The following CACNB4 variants were observed in gnomAD, a reference collection of about 807,000 sequenced individuals.
CACNB4 encodes the protein calcium voltage-gated channel auxiliary subunit beta 4.
Under a neutral mutation model 71.2 loss-of-function variants are expected in CACNB4, and 32 were observed. That is an observed-to-expected ratio of 0.45 (90% CI 0.34 to 0.60). The LOEUF (loss-of-function observed/expected upper bound fraction) is 0.60. Among genes scored for constraint, CACNB4 ranks in the 20% least tolerant of loss-of-function variants. CACNB4 has a pLI of 0.01. For missense variants in CACNB4, 464 were observed against 647.9 expected (o/e 0.72, Z 3.08); for synonymous variants, 231 against 236.9 (o/e 0.97, Z 0.23).
At chr2:152,063,149 T>G (rs1171276398) in intron 2 of CACNB4, among the ~76,000 whole-genome samples, 1 of 152,188 alleles carries the variant, frequency 6.6e-6, no homozygotes, top group Non-Finnish European at 1.5e-5. Flanking sequence ...TGGTAATCAG[T>G]TAACTGTTCA....
At chr2:151,895,052 G>T (rs2099851650) in intron 2 of CACNB4, among the ~76,000 whole-genome samples, 2 of 144,802 alleles carry the variant, frequency 1.4e-5, no homozygotes, top group African/African-American at 5.2e-5. Context: ...CAAAGAAATA[G>T]AAAAAAAATC....
intron 2 of CACNB4, among the ~76,000 whole-genome samples, chr2:152,074,655 A>C (rs1579249668): frequency 1.8e-5 from 1 of 57,126 alleles, no homozygotes; most frequent in African/African-American, 7.9e-5. Flanking sequence ...CATCACCATC[A>C]CCCCCTCACC....
At chr2:151,916,917 C>T (rs990858495) in intron 2 of CACNB4, among the ~76,000 whole-genome samples, 9 of 152,190 alleles carry the variant, frequency 5.9e-5, no homozygotes, top group African/African-American at 2.2e-4. Context: ...GGACAGGTCT[C>T]CCCAACCAAT....
At chr2:151,945,685 G>A (rs1215284515) in intron 2 of CACNB4, among the ~76,000 whole-genome samples, 2 of 151,968 alleles carry the variant, frequency 1.3e-5, no homozygotes, top group South Asian at 2.1e-4. Flanking sequence ...TTAAAATGGC[G>A]ATAATGTTAG....
chr2:151,919,372 G>A (rs2099858340), intron 2 of CACNB4, among the ~76,000 whole-genome samples: 1 of 152,212 alleles, frequency 6.6e-6, no homozygotes. Flanking sequence ...GTTGGGATTA[G>A]AGATGTTAGC....
At chr2:151,937,486 C>T (rs886612232) in intron 2 of CACNB4, among the ~76,000 whole-genome samples, 1 of 152,080 alleles carries the variant, frequency 6.6e-6, no homozygotes, top group Non-Finnish European at 1.5e-5. Context: ...AGAAGGAAGC[C>T]CTTCTCAGTT....
At chr2:151,840,294 A>C (rs1197613101) in intron 13 of CACNB4, among the ~76,000 whole-genome samples, 2 of 152,206 alleles carry the variant, frequency 1.3e-5, no homozygotes, top group Non-Finnish European at 2.9e-5. Context: ...GGTGCCTCAC[A>C]ATGAAGTGTC....
intron 2 of CACNB4, among the ~76,000 whole-genome samples, chr2:151,890,194 A>C (rs2099850388): frequency 6.6e-6 from 1 of 152,208 alleles, no homozygotes; most frequent in Non-Finnish European, 1.5e-5. Flanking sequence ...GTTTTCAAAA[A>C]TGTTGGCTGA....
At chr2:152,092,974 G>A (rs1452848359) in intron 2 of CACNB4, among the ~76,000 whole-genome samples, 1 of 152,108 alleles carries the variant, frequency 6.6e-6, no homozygotes, top group Non-Finnish European at 1.5e-5. Flanking sequence ...AAAGTTATAT[G>A]AAATGTAGTC....
intron 2 of CACNB4, chr2:151,884,305 A>C (rs183462858): frequency 6.7e-6 from 1 of 149,810 alleles, no homozygotes; most frequent in Admixed American, 6.7e-5. Flanking sequence ...ATCTCAAAAA[A>C]AAAATAAAAT....
chr2:151,921,643 C>T (rs937804446), intron 2 of CACNB4, among the ~76,000 whole-genome samples: 2 of 152,170 alleles, frequency 1.3e-5, no homozygotes, highest in African/African-American at 4.8e-5. Context: ...CCCCTTCCTC[C>T]ATATTTGATA....
At chr2:152,093,400 GGTGTGTGTGTGTGTGTGT>G (rs34845177) in intron 2 of CACNB4, among the ~76,000 whole-genome samples, 3 of 146,648 alleles carry the variant, frequency 2.0e-5, no homozygotes, top group South Asian at 4.4e-4. Context: ...GCTGTTTTTT[GGTGTGTGTGTGTGTGTGT>G]GTGTGTGTGT....
chr2:152,014,485 C>A (rs1683232283), intron 2 of CACNB4, among the ~76,000 whole-genome samples: 1 of 151,828 alleles, frequency 6.6e-6, no homozygotes, highest in Admixed American at 6.6e-5. Context: ...AATCCTAGCA[C>A]TTTGGGAGGC....
In CACNB4 at chr2:151,834,076, A is replaced by G. The variant is rs1261616033; in HGVS notation, c.*5043T>C. ...GTCAAAGTGGCATGCAAGTAGGGCA[A>G]GGGTGGCCCCTACATAAATATAGAC... is the stretch of plus-strand genomic sequence containing the variant. On this transcript the variant is annotated 3_prime_UTR_variant, in exon 14 of 14. Coordinates refer to ENST00000539935, the MANE Select transcript of CACNB4 (RefSeq NM_000726.5). 3.9e-5 allele frequency: 6 copies of G among 152,094 alleles called. No homozygotes were observed. Among genetic ancestry groups the G allele is most frequent in the Non-Finnish European group, 8.8e-5 (6 of 67,904 alleles). 9.4% of individuals were successfully genotyped at this position (152,094 alleles called of 1,614,324 possible).
At chr2:152,007,793 A>G (rs1682816527) in intron 2 of CACNB4, among the ~76,000 whole-genome samples, 1 of 149,366 alleles carries the variant, frequency 6.7e-6, no homozygotes, top group Non-Finnish European at 1.5e-5. Flanking sequence ...TTTTTTTGAG[A>G]CGGAGTCTCG....
rs186920299 is a variant in CACNB4, at chr2:152,004,498, A to G, written c.147+93832T>C. Among the ~76,000 whole-genome samples the G allele has an allele frequency of 2.6e-5, 4 of 151,500 alleles. No homozygotes were observed. In the Admixed American group the frequency reaches 2.6e-4, roughly 10 times the overall value. ...CAGGTCCTGAGTTATTCAAAACTGGAAACAACCCCCGTGTCCCCCCTACTT... is the reference window on the plus strand; with the variant it reads ...CAGGTCCTGAGTTATTCAAAACTGGGAACAACCCCCGTGTCCCCCCTACTT... On this transcript the variant is annotated intron_variant, in intron 2 of 13. Coordinates refer to ENST00000539935, the MANE Select transcript of CACNB4 (RefSeq NM_000726.5).
intron 2 of CACNB4, among the ~76,000 whole-genome samples, chr2:151,887,842 C>T (rs989569207): frequency 1.3e-5 from 2 of 152,108 alleles, no homozygotes; most frequent in African/African-American, 2.4e-5. Flanking sequence ...GGGGGAAATT[C>T]GGAAAATACC....
chr2:151,851,985 C>A (rs1444414336), intron 12 of CACNB4: 1 of 152,174 alleles, frequency 6.6e-6, no homozygotes, highest in Non-Finnish European at 1.5e-5. Context: ...TAACAGGCAG[C>A]GTGAAGTGAA....
intron 2 of CACNB4, among the ~76,000 whole-genome samples, chr2:152,019,275 G>T (rs2105113678): frequency 6.6e-6 from 1 of 152,246 alleles, no homozygotes; most frequent in Non-Finnish European, 1.5e-5. Flanking sequence ...GATCATTTCT[G>T]ATTACCTCTA....
Sources: allele counts gnomAD v4.1 joint callset (sites outside exome capture counted in the v4.1 genomes callset), GRCh38; gene constraint gnomAD v4.1.1; transcripts MANE v1.5; gene names NCBI Gene and HGNC (gene_info 2026-07-23, HGNC 2026-07-21).